RBL1: variants seen among roughly 807,000 people sequenced by gnomAD.
RBL1 encodes RB transcriptional corepressor like 1, also known as retinoblastoma-like protein 1.
Under a neutral mutation model 123.0 loss-of-function variants are expected in RBL1, and 82 were observed. That is an observed-to-expected ratio of 0.67 (90% CI 0.56 to 0.80). The LOEUF (loss-of-function observed/expected upper bound fraction) is 0.80. RBL1 is among the 30% of genes least tolerant of loss of function. The pLI is 0.00. For missense variants in RBL1, 1,171 were observed against 1,299.6 expected (o/e 0.90, Z 1.52); for synonymous variants, 405 against 441.3 (o/e 0.92, Z 1.03).
intron 11 of RBL1, among the ~76,000 whole-genome samples, chr20:37,052,074 C>T (rs973939577): frequency 6.6e-6 from 1 of 151,510 alleles, no homozygotes. Context: ...GCTCTGTTGC[C>T]CAGGCTGGAG....
chr20:37,072,655 A>G (rs111466358), intron 2 of RBL1, among the ~76,000 whole-genome samples: 14 of 152,306 alleles, frequency 9.2e-5, no homozygotes, highest in African/African-American at 3.1e-4. Context: ...GATATCCTTT[A>G]TCAGATACAT....
chr20:37,067,112 C>T lies in RBL1; in HGVS notation c.566G>A (p.Arg189Gln), dbSNP rs368117514. The T allele has an allele frequency of 7.6e-5, 119 of 1,574,060 alleles. No individual in the cohort carries two copies. The highest frequency in any genetic ancestry group is 9.2e-5 in the Non-Finnish European group (107 of 1,167,818). Residue 189 changes from arginine to glutamine, a missense_variant, in exon 5 of 22, where the codon CGG becomes CAG. By Grantham distance (43) the Arg-to-Gln change is conservative. Transcript: ENST00000373664. ...GTTTACTAAGTCATCCCCAATCATC[C>T]GAAAATTACCTTTATAAGGGAAAAA... ...TLFVYTKGNF[R>Q]MIGDDLVNSY...
At chr20:37,033,988 G>T (rs895126954) in intron 15 of RBL1, among the ~76,000 whole-genome samples, 1 of 150,754 alleles carries the variant, frequency 6.6e-6, no homozygotes, top group African/African-American at 2.4e-5. Context: ...GTCCTGGCTG[G>T]AGTACAGTAG....
chr20:37,041,585 A>T (rs1476400901), intron 13 of RBL1, among the ~76,000 whole-genome samples: 1 of 152,130 alleles, frequency 6.6e-6, no homozygotes, highest in African/African-American at 2.4e-5. Flanking sequence ...GGCCTCCCAA[A>T]GTGCTGGGAT....
intron 2 of RBL1, chr20:37,081,856 T>C (rs1424709924): frequency 5.7e-6 from 2 of 350,648 alleles, no homozygotes; most frequent in African/African-American, 2.2e-5. Context: ...AAACCAAAAT[T>C]AGGAAGATTT....
intron 11 of RBL1, among the ~76,000 whole-genome samples, chr20:37,054,697 G>T (rs941665384): frequency 6.6e-6 from 1 of 151,728 alleles, no homozygotes; most frequent in Non-Finnish European, 1.5e-5. Context: ...AGGCGTGGTG[G>T]CGGGCGCCTG....
intron 2 of RBL1, among the ~76,000 whole-genome samples, chr20:37,071,350 C>A (rs1473199201): frequency 1.3e-5 from 2 of 152,150 alleles, no homozygotes; most frequent in East Asian, 3.9e-4. Context: ...CCCTCCAAAT[C>A]TCATGTTGCA....
chr20:37,044,229 A>G lies in RBL1; in HGVS notation c.1627T>C (p.Ser543Pro), dbSNP rs2146266384. Reference sequence around the variant, plus strand: ...ATGTCCCTTGAGAGCCCCTCTTCTGAGCGGATCACCACCTCAATAACCTGC... The same window carrying G: ...ATGTCCCTTGAGAGCCCCTCTTCTGGGCGGATCACCACCTCAATAACCTGC... ...FYKVIEVVIR[S>P]EEGLSRDMVK... is the part of the protein sequence containing the mutation. Residue 543 changes from serine (S) to proline (P), a missense_variant, in exon 13 of 22, where the codon TCA (serine) becomes CCA (proline). Coordinates refer to ENST00000373664, the MANE Select transcript of RBL1 (RefSeq NM_002895.5). 2 of 1,613,696 alleles carry G rather than the reference A, an allele frequency of 1.2e-6. No homozygotes were observed. Among genetic ancestry groups the G allele is most frequent in the East Asian group, 4.5e-5 (2 of 44,866 alleles).
rs772992804 is a variant in RBL1 at position 36,998,974 on chromosome 20, G to A, written c.3037-45C>T. 1.9e-6 allele frequency: 3 copies of A among 1,548,918 alleles called. No individual in the cohort carries two copies. The African/African-American group carries it at 4.1e-5, about 21-fold the overall frequency. On this transcript the variant is annotated intron_variant, in intron 21 of 21. Coordinates refer to ENST00000373664, the MANE Select transcript of RBL1 (RefSeq NM_002895.5). Reference sequence around the variant, plus strand: ...GTGTGTGAGTAAAAGAGGGAGAGGGGAAATGGCAGCAAACAACCAAGCTAA... The same window carrying A: ...GTGTGTGAGTAAAAGAGGGAGAGGGAAAATGGCAGCAAACAACCAAGCTAA...
chr20:37,026,907 G>A (rs932559329), intron 16 of RBL1, among the ~76,000 whole-genome samples: 2 of 150,540 alleles, frequency 1.3e-5, no homozygotes, highest in Non-Finnish European at 2.9e-5. Context: ...GGAGGCTGAG[G>A]CAGAGAATTG....
chr20:37,060,921 A>C (rs983194883), intron 9 of RBL1, among the ~76,000 whole-genome samples, 182 bp downstream of exon 9: 1 of 152,222 alleles, frequency 6.6e-6, no homozygotes, highest in Non-Finnish European at 1.5e-5. Flanking sequence ...ACTGTTATAC[A>C]TAATTTTTAA....
At chr20:37,049,224 A>AAAAACAG (rs1666746886) in intron 11 of RBL1, 1 of 434,858 alleles carries the variant, frequency 2.3e-6, no homozygotes. Flanking sequence ...ACAAAAAACA[A>AAAAACAG]AAAAAAATTT....
intron 18 of RBL1, among the ~76,000 whole-genome samples, 164 bp downstream of exon 18, chr20:37,020,495 T>C (rs763018341): frequency 1.3e-5 from 2 of 152,206 alleles, no homozygotes; most frequent in Non-Finnish European, 2.9e-5. Context: ...TGGCTTCTAT[T>C]GAAACTGTCC....
In RBL1 at chr20:37,044,070, C is replaced by T; in HGVS notation, c.1770+16G>A. ...TTTTTTTTAATGATACGATTATCAGCCTTGCCCAGACTCACTTCTTCACAG... is the reference window on the plus strand; with the variant it reads ...TTTTTTTTAATGATACGATTATCAGTCTTGCCCAGACTCACTTCTTCACAG... On this transcript the variant is annotated intron_variant, in intron 13 of 21. Coordinates refer to ENST00000373664, the MANE Select transcript of RBL1 (RefSeq NM_002895.5). 2 of 1,540,804 alleles carry T rather than the reference C, an allele frequency of 1.3e-6. No homozygotes were observed. The highest frequency in any genetic ancestry group is 1.8e-6 in the Non-Finnish European group (2 of 1,140,900).
chr20:37,079,321 A>G (rs1600594029), intron 2 of RBL1, among the ~76,000 whole-genome samples: 1 of 152,188 alleles, frequency 6.6e-6, no homozygotes, highest in East Asian at 1.9e-4. Flanking sequence ...CAAGATCTAA[A>G]CCAGCTGTTT....
Position 37,095,732 on chromosome 20 carries a change from G to A in RBL1, c.156+41C>T, listed in dbSNP as rs763081913. On this transcript the variant is annotated intron_variant, in intron 1 of 21. Coordinates refer to ENST00000373664, the MANE Select transcript of RBL1 (RefSeq NM_002895.5). ...AAGGGGCGGGGCAGGGGTGGGGCCTGGCGAGGGTAGGGTCCGGCCGCCCCA... is the reference window on the plus strand; with the variant it reads ...AAGGGGCGGGGCAGGGGTGGGGCCTAGCGAGGGTAGGGTCCGGCCGCCCCA... 3 of 1,522,488 alleles carry A rather than the reference G, an allele frequency of 2.0e-6. No individual in the cohort carries two copies. In the South Asian group the frequency reaches 3.8e-5, roughly 19 times the overall value. The allele number at this position is 1,522,488 out of a possible 1,614,324, so 94.3% of individuals were successfully genotyped here. A position where few individuals can be genotyped will look rare whatever the true frequency, so the allele number is the denominator to read the frequency against.
At chr20:37,073,177 C>A (rs1230948812) in intron 2 of RBL1, among the ~76,000 whole-genome samples, 1 of 152,042 alleles carries the variant, frequency 6.6e-6, no homozygotes, top group Non-Finnish European at 1.5e-5. Flanking sequence ...TAGACTGATA[C>A]TTGCTTTTTA....
chr20:37,026,703 CAA>C (rs112646063), intron 16 of RBL1, among the ~76,000 whole-genome samples: 3 of 97,936 alleles, frequency 3.1e-5, no homozygotes, highest in Non-Finnish European at 2.1e-5. Context: ...GACTCCATCT[CAA>C]AAAAAAAAAA....
At chr20:37,009,939 C>T (rs1310766185) in intron 19 of RBL1, among the ~76,000 whole-genome samples, 2 of 151,908 alleles carry the variant, frequency 1.3e-5, no homozygotes, top group South Asian at 2.1e-4. Context: ...ATGACAGGAT[C>T]GCTTGAACCC....
Sources: allele counts gnomAD v4.1 joint callset (sites outside exome capture counted in the v4.1 genomes callset), GRCh38; gene constraint gnomAD v4.1.1; transcripts MANE v1.5; gene names NCBI Gene and HGNC (gene_info 2026-07-23, HGNC 2026-07-21).